The following GFM1 variants were observed in gnomAD, a reference collection of about 807,000 sequenced individuals.
The protein encoded by GFM1 is elongation factor G, mitochondrial.
In GFM1, 62 loss-of-function variants were observed where a neutral mutation model predicts 96.2. The ratio of observed to expected loss-of-function variants is 0.64; its 90% CI spans 0.53 to 0.80. The LOEUF (loss-of-function observed/expected upper bound fraction) is 0.80, where lower values mean the gene tolerates loss of function less well. Among genes scored for constraint, GFM1 ranks in the 30% least tolerant of loss-of-function variants. GFM1 has a pLI of 0.00. For synonymous variants in GFM1, 282 were observed against 312.9 expected, an observed-to-expected ratio of 0.90 and a Z score of 1.04; for missense variants, 852 against 916.6, an observed-to-expected ratio of 0.93 and a Z score of 0.91.
intron 13 of GFM1, among the ~76,000 whole-genome samples, chr3:158,676,701 C>CTT (rs201525716): frequency 3.6e-5 from 5 of 140,362 alleles, no homozygotes; most frequent in African/African-American, 5.2e-5. Context: ...TTTTCTTTTT[C>CTT]TTTTTTTTTT....
chr3:158,657,989 C>T (rs927899273), intron 8 of GFM1, among the ~76,000 whole-genome samples: 19 of 151,754 alleles, frequency 1.3e-4, no homozygotes, highest in African/African-American at 4.4e-4. Flanking sequence ...CTGTTTTTAC[C>T]TATTTATTCC....
intron 13 of GFM1, chr3:158,666,605 A>G: frequency 6.5e-7 from 1 of 1,544,068 alleles, no homozygotes; most frequent in Non-Finnish European, 8.9e-7. Context: ...TGGCATACAC[A>G]TCAATAGACA....
intron 13 of GFM1, among the ~76,000 whole-genome samples, chr3:158,680,928 A>G (rs553955640): frequency 9.2e-5 from 14 of 152,326 alleles, no homozygotes; most frequent in African/African-American, 2.9e-4. Flanking sequence ...GTAAACAGCC[A>G]TGGTTAGTTA....
At chr3:158,659,815 A>G (rs1033745154) in intron 9 of GFM1, among the ~76,000 whole-genome samples, 7 of 152,172 alleles carry the variant, frequency 4.6e-5, no homozygotes, top group African/African-American at 1.4e-4. Context: ...TGTTTCTTCT[A>G]GAAGAGGAAT....
At chr3:158,672,607 GTCT>G (rs199588226) in intron 13 of GFM1, 28,946 of 1,084,274 alleles carry the variant, frequency 0.027, 510 homozygotes, top group Non-Finnish European at 0.03. Flanking sequence ...CCTTCAGTCA[GTCT>G]TCTTCCTCAG....
intron 11 of GFM1, among the ~76,000 whole-genome samples, chr3:158,663,994 C>A (rs970905317): frequency 6.6e-6 from 1 of 152,192 alleles, no homozygotes. Flanking sequence ...AAAGACTAAA[C>A]TGGGATTCAG....
chr3:158,691,583 C>CG lies in GFM1; in HGVS notation c.*119dup. The CG allele has an allele frequency of 8.6e-7, 1 of 1,160,932 alleles. No individual in the cohort carries two copies. The highest frequency in any genetic ancestry group is 1.3e-6 in the Non-Finnish European group (1 of 785,840). 71.9% of individuals were successfully genotyped at this position (1,160,932 alleles called of 1,614,324 possible). On this transcript the variant is annotated 3_prime_UTR_variant, in exon 18 of 18. Coordinates refer to ENST00000486715, the MANE Select transcript of GFM1 (RefSeq NM_024996.7). ...AACAAGAAATTCTGAGCCCAGGAAG[C>CG]GGGCTCTTCTTTCTTCAAAAGAAGC...
At chr3:158,650,466 A>G (rs1165996821) in intron 5 of GFM1, 1 of 189,912 alleles carries the variant, frequency 5.3e-6, no homozygotes, top group African/African-American at 2.3e-5. Context: ...CCACAGATGC[A>G]GCATCTTAAT....
intron 16 of GFM1, chr3:158,690,546 A>T: frequency 1.8e-6 from 1 of 542,774 alleles, no homozygotes; most frequent in Non-Finnish European, 3.3e-6. Flanking sequence ...TCTTAGATGT[A>T]TATTATCTCT....
chr3:158,663,288 A>G (rs151009912), intron 11 of GFM1, among the ~76,000 whole-genome samples: 2 of 152,350 alleles, frequency 1.3e-5, no homozygotes, highest in East Asian at 3.8e-4. Flanking sequence ...CATGGGAATT[A>G]GTCTGATCTC....
chr3:158,680,158 T>TA (rs1339419992), intron 13 of GFM1, among the ~76,000 whole-genome samples: 1 of 151,898 alleles, frequency 6.6e-6, no homozygotes, highest in Non-Finnish European at 1.5e-5. Flanking sequence ...CTTTTTCAAT[T>TA]AAAAAAAATA....
rs1203748333 is a variant in GFM1, at chr3:158,692,135, T to A, written c.*668T>A. On this transcript the variant is annotated 3_prime_UTR_variant, in exon 18 of 18. Coordinates refer to ENST00000486715, the MANE Select transcript of GFM1 (RefSeq NM_024996.7). ...TTGGGATATTAAAATATTAGCCAAA[T>A]TTCTCTCTGTTTTATATATGTCTGT... 1 of 152,484 alleles carries A rather than the reference T, an allele frequency of 6.6e-6. No individual in the cohort carries two copies. Among genetic ancestry groups the A allele is most frequent in the East Asian group, 1.9e-4 (1 of 5,186 alleles). The allele number at this position is 152,484 out of a possible 1,614,324, so 9.4% of individuals were successfully genotyped here. A position where few individuals can be genotyped will look rare whatever the true frequency, so the allele number is the denominator to read the frequency against.
rs1726462697 is a variant in GFM1 at position 158,693,992 on chromosome 3, G to T, written c.*2525G>T. ...TTGTATTCTTTTGTGTGATATTAGA[G>T]TTTGGTTTTTTTGTTTAACAACTGT... is the stretch of plus-strand genomic sequence containing the variant. On this transcript the variant is annotated 3_prime_UTR_variant, in exon 18 of 18. Transcript: ENST00000486715. Among the ~76,000 whole-genome samples, 3 of 151,986 alleles carry T rather than the reference G, an allele frequency of 2.0e-5. No individual in the cohort carries two copies. In the South Asian group the frequency reaches 6.2e-4, roughly 31 times the overall value.
At chr3:158,685,644 T>C (rs1056985907) in intron 15 of GFM1, among the ~76,000 whole-genome samples, 1 of 152,306 alleles carries the variant, frequency 6.6e-6, no homozygotes, top group Admixed American at 6.5e-5. Flanking sequence ...ATTTTACTTA[T>C]GTTTCAGTTT....
intron 4 of GFM1, among the ~76,000 whole-genome samples, chr3:158,647,943 A>G (rs1222951448): frequency 2.0e-5 from 3 of 152,084 alleles, no homozygotes; most frequent in African/African-American, 7.2e-5. Flanking sequence ...TGTCTTTTCT[A>G]TGGTACTTAT....
rs748393400 is a variant in GFM1, at chr3:158,691,969, ACT to A, written c.*505_*506del. 25 of 158,772 alleles carry A rather than the reference ACT, an allele frequency of 1.6e-4. No homozygotes were observed. Among genetic ancestry groups the A allele is most frequent in the Non-Finnish European group, 3.5e-4 (25 of 72,396 alleles). 9.8% of individuals were successfully genotyped at this position (158,772 alleles called of 1,614,324 possible). A position where few individuals can be genotyped will look rare whatever the true frequency, so the allele number is the denominator to read the frequency against. On this transcript the variant is annotated 3_prime_UTR_variant, in exon 18 of 18. Transcript: ENST00000486715. ...GTCTATTATCTGTTTAAGTCTCATA[ACT>A]CTATTTTTAGTTTGCTGAAGACTTG...
chr3:158,649,344 G>C (rs1722107659), intron 5 of GFM1, 187 bp downstream of exon 5: 1 of 471,562 alleles, frequency 2.1e-6, no homozygotes, highest in African/African-American at 2.0e-5. Flanking sequence ...TTTATTCTGT[G>C]AGAGACTATG....
chr3:158,653,205 C>T, intron 6 of GFM1, 105 bp from the exon 7 acceptor site: 1 of 921,486 alleles, frequency 1.1e-6, no homozygotes, highest in Non-Finnish European at 1.7e-6. Flanking sequence ...AGTCAGCACT[C>T]CAAAGAGTAG....
At chr3:158,671,167 G>C (rs1454693666) in intron 13 of GFM1, 1 of 1,158,730 alleles carries the variant, frequency 8.6e-7, no homozygotes, top group Non-Finnish European at 1.1e-6. Flanking sequence ...ATGTCACCAT[G>C]AATGTAACAT....
Sources: gnomAD v4.1 joint callset for allele counts (sites outside exome capture counted in the v4.1 genomes callset) on GRCh38, gnomAD v4.1.1 for gene constraint, MANE v1.5 for transcripts, NCBI Gene and HGNC (gene_info 2026-07-23, HGNC 2026-07-21) for gene names.